The following NDUFS8 variants were observed in gnomAD, a reference collection of about 807,000 sequenced individuals.
The protein encoded by NDUFS8 is NADH dehydrogenase [ubiquinone] iron-sulfur protein 8, mitochondrial.
Under a neutral mutation model 25.6 loss-of-function variants are expected in NDUFS8, and 13 were observed. The observed-to-expected ratio is 0.51, with a 90% confidence interval of 0.33 to 0.81. NDUFS8 has a LOEUF of 0.81. NDUFS8 is among the 30% of genes least tolerant of loss of function. The pLI is 0.02. For missense variants in NDUFS8, 257 were observed against 300.9 expected (o/e 0.85, Z 1.08); for synonymous variants, 119 against 119.4 (o/e 1.00, Z 0.02).
At position 68,036,249 on chromosome 11, in the gene NDUFS8, G is replaced by A. The variant is rs763511886; in HGVS notation, c.373-4G>A. The A allele has an allele frequency of 9.3e-6, 15 of 1,612,344 alleles. No individual in the cohort carries two copies. Among genetic ancestry groups the A allele is most frequent in the Admixed American group, 6.7e-5 (4 of 60,004 alleles). Reference sequence around the variant, plus strand: ...GTGGCAGTGTCTGGTGGCCCCTCCCGCAGGCCATCACCATCGAGGCTGAGC... The same window carrying A: ...GTGGCAGTGTCTGGTGGCCCCTCCCACAGGCCATCACCATCGAGGCTGAGC... On this transcript the variant is annotated splice_region_variant and splice_polypyrimidine_tract_variant and intron_variant, in intron 5 of 6. Transcript: ENST00000313468.
In NDUFS8 at chr11:68,030,884, C is replaced by T. The variant is rs1540204; in HGVS notation, c.-1+151C>T. 58 of 446,754 alleles carry T rather than the reference C, an allele frequency of 1.3e-4. 1 individual carries two copies. The highest frequency in any genetic ancestry group is 9.7e-4 in the African/African-American group (48 of 49,286). The allele number at this position is 446,754 out of a possible 1,614,324, so 27.7% of individuals were successfully genotyped here. On this transcript the variant is annotated intron_variant, in intron 1 of 6. Coordinates refer to ENST00000313468, the MANE Select transcript of NDUFS8 (RefSeq NM_002496.4). ...CGGCCTCCGTGTCCTTCAGGTGCAG[C>T]GGGGAGCCGGCTCTCAGGGCGCATG...
At chr11:68,031,822 G>A (rs997894726) in intron 1 of NDUFS8, 7 of 446,020 alleles carry the variant, frequency 1.6e-5, no homozygotes, top group Non-Finnish European at 2.9e-5. Flanking sequence ...GTTGTTTTTG[G>A]TTAGATTTGG....
Position 68,033,017 on chromosome 11 carries a change from G to A in NDUFS8, c.199+5G>A, listed in dbSNP as rs373522607. 107 of 1,613,630 alleles carry A rather than the reference G, an allele frequency of 6.6e-5. No homozygotes were observed. The highest frequency in any genetic ancestry group is 1.6e-4 in the Middle Eastern group (1 of 6,084). On this transcript the variant is annotated splice_donor_5th_base_variant and intron_variant, in intron 4 of 6. Coordinates refer to ENST00000313468, the MANE Select transcript of NDUFS8 (RefSeq NM_002496.4). The stretch of plus-strand genomic sequence containing the variant: ...TGTGGACTGAGCTCTTCCGAGGTGC[G>A]TCCTGGGCATGAGGGGACAGGGAAG...
intron 1 of NDUFS8, chr11:68,031,619 A>G: frequency 4.7e-6 from 1 of 211,690 alleles, no homozygotes. Context: ...AAGTGCTGGG[A>G]TTACAGGCGT....
intron 1 of NDUFS8, 25 bp downstream of exon 1, chr11:68,030,758 A>G (rs1392803799): frequency 2.9e-6 from 1 of 340,860 alleles, no homozygotes; most frequent in Non-Finnish European, 5.8e-6. Flanking sequence ...TTTGGCCGTG[A>G]AAGTCGGGCT....
At chr11:68,032,841 G>A in intron 3 of NDUFS8, 82 bp from the exon 4 acceptor site, 1 of 1,364,852 alleles carries the variant, frequency 7.3e-7, no homozygotes, top group Non-Finnish European at 1.0e-6. Context: ...CTGGAAGTGA[G>A]GGCCAGGCTG....
At chr11:68,036,441 T>C in intron 6 of NDUFS8, 21 bp from the exon 7 acceptor site, 1 of 1,613,912 alleles carries the variant, frequency 6.2e-7, no homozygotes, top group Admixed American at 1.7e-5. Context: ...CTAACCACCG[T>C]CCCTGCACCT....
At chr11:68,030,812 G>A (rs370363871) in intron 1 of NDUFS8, 79 bp downstream of exon 1, 12 of 386,280 alleles carry the variant, frequency 3.1e-5, no homozygotes, top group South Asian at 1.6e-4. Flanking sequence ...CCCCGTTGGC[G>A]CCGCCAGCTC....
chr11:68,031,693 C>A (rs1335949098), intron 1 of NDUFS8: 1 of 273,590 alleles, frequency 3.7e-6, no homozygotes, highest in Non-Finnish European at 7.2e-6. Context: ...TTATTTGTGC[C>A]TCCCTCGTGG....
At position 68,036,621 on chromosome 11, in the gene NDUFS8, C is replaced by G; in HGVS notation, c.*28C>G. 6.2e-7 allele frequency: 1 copy of G among 1,612,434 alleles called. No homozygotes were observed. Among genetic ancestry groups the G allele is most frequent in the Non-Finnish European group, 8.5e-7 (1 of 1,179,864 alleles). ...CCCCACCGGCCCGCAGCCCCTGCTGCCCAATAAAACCACTCCGACCCCACG... is the reference window on the plus strand; with the variant it reads ...CCCCACCGGCCCGCAGCCCCTGCTGGCCAATAAAACCACTCCGACCCCACG... On this transcript the variant is annotated 3_prime_UTR_variant, in exon 7 of 7. Transcript: ENST00000313468.
At position 68,032,986 on chromosome 11, in the gene NDUFS8, C is replaced by A; in HGVS notation, c.173C>A (p.Thr58Asn). 1 of 1,613,852 alleles carries A rather than the reference C, an allele frequency of 6.2e-7. No homozygotes were observed. Among genetic ancestry groups the A allele is most frequent in the East Asian group, 2.2e-5 (1 of 44,874 alleles). Residue 58 changes from threonine to asparagine, a missense_variant, in exon 4 of 7, where the codon ACC (threonine) becomes AAC (asparagine). Coordinates refer to ENST00000313468, the MANE Select transcript of NDUFS8 (RefSeq NM_002496.4). ...MKSVTDRAAR[T>N]LLWTELFRGL... Reference sequence around the variant, plus strand: ...TCAGTGACTGACCGGGCAGCCCGCACCCTGCTGTGGACTGAGCTCTTCCGA... The same window carrying A: ...TCAGTGACTGACCGGGCAGCCCGCAACCTGCTGTGGACTGAGCTCTTCCGA...
chr11:68,032,316 G>A lies in NDUFS8; in HGVS notation c.89G>A (p.Ser30Asn), dbSNP rs1854781827. 3 of 1,613,668 alleles carry A rather than the reference G, an allele frequency of 1.9e-6. No individual in the cohort carries two copies. Among genetic ancestry groups the A allele is most frequent in the Admixed American group, 1.7e-5 (1 of 60,024 alleles). Residue 30 changes from serine to asparagine, a missense_variant, in exon 3 of 7, where the codon AGT (serine) becomes AAT (asparagine). Transcript: ENST00000313468. ...GPPGGRSLHS[S>N]AVAATYKYVN... ...CCTGGTGGCCGGAGCCTCCACAGCA[G>A]TGCAGTGGCAGCCACCTACAGTGAG...
chr11:68,033,462 A>G, intron 5 of NDUFS8, 179 bp downstream of exon 5: 1 of 789,700 alleles, frequency 1.3e-6, no homozygotes, highest in Non-Finnish European at 2.1e-6. Flanking sequence ...CAGAGCACAG[A>G]GTCAGTGAGT....
rs535357407 is a variant in NDUFS8 at position 68,036,514 on chromosome 11, A to T, written c.554A>T (p.Lys185Met). 3 of 1,614,066 alleles carry T rather than the reference A, an allele frequency of 1.9e-6. No homozygotes were observed. The Admixed American group carries it at 5.0e-5, about 27-fold the overall frequency. Residue 185 changes from lysine to methionine, a missense_variant, in exon 7 of 7, where the codon AAG (lysine) becomes ATG (methionine). Lys to Met is a moderately conservative substitution (Grantham distance 95). Transcript: ENST00000313468. The part of the protein sequence containing the change: ...TETHEELLYN[K>M]EKLLNNGDKW... ...ACCCATGAGGAGCTGCTGTACAACA[A>T]GGAGAAGTTGCTCAACAACGGGGAC...
intron 3 of NDUFS8, 152 bp from the exon 4 acceptor site, chr11:68,032,771 T>A: frequency 1.1e-6 from 1 of 886,842 alleles, no homozygotes; most frequent in African/African-American, 1.6e-5. Context: ...CCAGGGTCCT[T>A]GCTGAGGCTG....
chr11:68,033,231 G>C lies in NDUFS8; in HGVS notation c.320G>C (p.Gly107Ala). The C allele has an allele frequency of 6.2e-7, 1 of 1,611,642 alleles. No individual in the cohort carries two copies. The highest frequency in any genetic ancestry group is 2.2e-5 in the East Asian group (1 of 44,840). The change falls in exon 5 of 7, where the codon GGG becomes GCG. Residue 107 changes from glycine (G) to alanine (A), a missense_variant. Physicochemically the swap from Gly to Ala is moderately conservative, Grantham distance 60. Transcript: ENST00000313468. ...CATGCGCTGCGCCGGTACCCATCCG[G>C]GGAGGAGCGTTGCATTGCCTGCAAG... ...GEHALRRYPS[G>A]EERCIACKLC...
intron 3 of NDUFS8, 134 bp downstream of exon 3, chr11:68,032,470 T>G (rs1854790755): frequency 6.5e-7 from 1 of 1,548,194 alleles, no homozygotes; most frequent in South Asian, 1.2e-5. Context: ...TTAAAATGAT[T>G]ATGGTGATGG....
rs1272429758 is a variant in NDUFS8 at position 68,033,188 on chromosome 11, C to A, written c.277C>A (p.Pro93Thr). Residue 93 changes from proline (P) to threonine (T), a missense_variant, in exon 5 of 7, where the codon CCT becomes ACT. By Grantham distance (38) the Pro-to-Thr change is conservative (BLOSUM62 -1). Transcript: ENST00000313468. ...NYPFEKGPLS[P>T]RFRGEHALRR... ...CCCGTTCGAGAAGGGCCCGCTGAGC[C>A]CTCGCTTCCGTGGGGAGCATGCGCT... The A allele has an allele frequency of 1.2e-6, 2 of 1,612,490 alleles. No individual in the cohort carries two copies. Among genetic ancestry groups the A allele is most frequent in the Admixed American group, 3.3e-5 (2 of 59,934 alleles).
At chr11:68,032,893 G>T (rs749399824) in intron 3 of NDUFS8, 30 bp from the exon 4 acceptor site, 14 of 1,607,388 alleles carry the variant, frequency 8.7e-6, no homozygotes, top group Non-Finnish European at 1.1e-5. Flanking sequence ...GAGGCCTCTT[G>T]CCATGGCCTC....
Sources: gnomAD v4.1 joint callset for allele counts on GRCh38, gnomAD v4.1.1 for gene constraint, MANE v1.5 for transcripts, NCBI Gene and HGNC (gene_info 2026-07-23, HGNC 2026-07-21) for gene names.